Variants in SULT2B1 observed in about 807,000 individuals in gnomAD.
The protein encoded by SULT2B1 is sulfotransferase 2B1.
In SULT2B1, 16 loss-of-function variants were observed where a neutral mutation model predicts 33.2. The observed-to-expected ratio is 0.48, with a 90% CI of 0.33 to 0.73. The LOEUF (loss-of-function observed/expected upper bound fraction) is 0.73. SULT2B1 is among the 30% of genes least tolerant of loss of function. The pLI is 0.02. For missense variants in SULT2B1, 500 were observed against 506.0 expected (o/e 0.99, Z 0.11); for synonymous variants, 186 against 200.5 (o/e 0.93, Z 0.61).
At position 48,552,688 on chromosome 19, in the gene SULT2B1, G is replaced by A. The variant is rs1045219854; in HGVS notation, c.71+365G>A. Among the ~76,000 whole-genome samples, 1 of 152,166 alleles carries A rather than the reference G, an allele frequency of 6.6e-6. No individual in the cohort carries two copies. Among genetic ancestry groups the A allele is most frequent in the African/African-American group, 2.4e-5 (1 of 41,438 alleles). On this transcript the variant is annotated intron_variant, in intron 1 of 6. Transcript: ENST00000201586. This position sits in a 1 kb window ranked among gnomAD's most constrained non-coding sequence, Gnocchi z 4.8. ...AGTTGCTCAGGAAACACAACAGCCTGTAGTACCCAGGACACCCCATGCAAG... is the reference window on the plus strand; with the variant it reads ...AGTTGCTCAGGAAACACAACAGCCTATAGTACCCAGGACACCCCATGCAAG...
At chr19:48,595,530 T>C (rs1973699507) in intron 5 of SULT2B1, among the ~76,000 whole-genome samples, 1 of 151,998 alleles carries the variant, frequency 6.6e-6, no homozygotes, top group African/African-American at 2.4e-5. Flanking sequence ...GCCGTGGCAA[T>C]GGGCCCTTCT....
intron 1 of SULT2B1, among the ~76,000 whole-genome samples, chr19:48,561,311 C>T (rs1255235222): frequency 1.3e-5 from 2 of 151,774 alleles, no homozygotes; most frequent in African/African-American, 4.8e-5. Context: ...GCCTGTAATC[C>T]CAGCTACTCT....
chr19:48,577,411 G>C (rs1337305360), intron 2 of SULT2B1, among the ~76,000 whole-genome samples: 2 of 127,426 alleles, frequency 1.6e-5, no homozygotes, highest in African/African-American at 6.1e-5. Flanking sequence ...TGTTGCCCGG[G>C]CTGGAGTGCA....
intron 1 of SULT2B1, among the ~76,000 whole-genome samples, chr19:48,553,203 C>T (rs887805682): frequency 2.6e-5 from 4 of 152,194 alleles, no homozygotes; most frequent in African/African-American, 4.8e-5. Flanking sequence ...GCACTCTTGC[C>T]AAGTGAGACC....
intron 1 of SULT2B1, among the ~76,000 whole-genome samples, chr19:48,568,633 C>T (rs900847409): frequency 6.6e-6 from 1 of 152,142 alleles, no homozygotes; most frequent in African/African-American, 2.4e-5. Flanking sequence ...CAGGGCAGGG[C>T]GCCGGGACAC....
At chr19:48,578,445 G>T (rs905655903) in intron 2 of SULT2B1, among the ~76,000 whole-genome samples, 1 of 152,116 alleles carries the variant, frequency 6.6e-6, no homozygotes, top group East Asian at 1.9e-4. Context: ...AGCCAGGCAC[G>T]ATAGTGTATG....
intron 6 of SULT2B1, among the ~76,000 whole-genome samples, chr19:48,598,546 T>G (rs1051082422): frequency 6.6e-6 from 1 of 151,842 alleles, no homozygotes; most frequent in Non-Finnish European, 1.5e-5. Context: ...ATCACACCAC[T>G]GCACTCCAGC....
At chr19:48,594,180 G>A (rs1444624962) in intron 5 of SULT2B1, among the ~76,000 whole-genome samples, 1 of 152,062 alleles carries the variant, frequency 6.6e-6, no homozygotes, top group Non-Finnish European at 1.5e-5. Flanking sequence ...AGAATCGCTT[G>A]AACCTGGGAG....
chr19:48,584,134 C>T (rs1049020827), intron 2 of SULT2B1, among the ~76,000 whole-genome samples: 6 of 152,154 alleles, frequency 3.9e-5, no homozygotes, highest in African/African-American at 1.4e-4. Flanking sequence ...ACACCACACA[C>T]AGGAATAGCT....
chr19:48,576,200 A>G lies in SULT2B1; in HGVS notation c.214+117A>G, dbSNP rs1278938977. ...AGGAAAAGTGGGGCCGGGTCTGTTC[A>G]GAGCGGTGCCCCTGCCAGAAGTAGC... is the stretch of plus-strand genomic sequence containing the variant. On this transcript the variant is annotated intron_variant, in intron 2 of 6. Transcript: ENST00000201586. The G allele has an allele frequency of 1.3e-5, 12 of 931,534 alleles. No individual in the cohort carries two copies. The East Asian group carries it at 3.0e-4, about 24-fold the overall frequency. The allele number at this position is 931,534 out of a possible 1,614,324, so 57.7% of individuals were successfully genotyped here.
At chr19:48,556,775 A>AC (rs1387671048) in intron 1 of SULT2B1, among the ~76,000 whole-genome samples, 1 of 151,646 alleles carries the variant, frequency 6.6e-6, no homozygotes, top group Non-Finnish European at 1.5e-5. Context: ...ACATGGTGAC[A>AC]CCCCATCTGT....
At chr19:48,568,982 C>A (rs117204018) in intron 1 of SULT2B1, among the ~76,000 whole-genome samples, 3,285 of 152,238 alleles carry the variant, frequency 0.022, 66 homozygotes, top group Admixed American at 0.059. Context: ...CCAGAGGGGC[C>A]TCCCTGACGC....
Position 48,552,443 on chromosome 19 carries a change from C to A in SULT2B1, c.71+120C>A. The stretch of plus-strand genomic sequence containing the variant: ...CCCGCAGCCGCAGGCCTGGCCCAGA[C>A]TTAGCTGGAGGGGCTGGGCTGGGCT... On this transcript the variant is annotated intron_variant, in intron 1 of 6. Transcript: ENST00000201586. This position sits in a 1 kb window ranked among gnomAD's most constrained non-coding sequence, Gnocchi z 4.8. 2.8e-6 allele frequency: 3 copies of A among 1,089,372 alleles called. No individual in the cohort carries two copies. Among genetic ancestry groups the A allele is most frequent in the Non-Finnish European group, 4.0e-6 (3 of 750,100 alleles). The allele number at this position is 1,089,372 out of a possible 1,614,324, so 67.5% of individuals were successfully genotyped here. A position where few individuals can be genotyped will look rare whatever the true frequency, so the allele number is the denominator to read the frequency against.
intron 2 of SULT2B1, among the ~76,000 whole-genome samples, chr19:48,581,795 A>G (rs1973492343): frequency 6.6e-6 from 1 of 151,512 alleles, no homozygotes; most frequent in African/African-American, 2.4e-5. Flanking sequence ...ATCCTTGATC[A>G]GATACTTGTT....
intron 2 of SULT2B1, among the ~76,000 whole-genome samples, chr19:48,581,150 C>T (rs1407008757): frequency 2.8e-5 from 4 of 145,218 alleles, no homozygotes; most frequent in African/African-American, 1.0e-4. Flanking sequence ...GATTCTCCTG[C>T]CTCAGCCTCC....
At chr19:48,556,281 C>T (rs1973099661) in intron 1 of SULT2B1, among the ~76,000 whole-genome samples, 2 of 152,128 alleles carry the variant, frequency 1.3e-5, no homozygotes, top group African/African-American at 2.4e-5. Flanking sequence ...AAATCTGCCC[C>T]GTGGCACCAA....
chr19:48,585,235 A>C (rs967193701), intron 2 of SULT2B1, among the ~76,000 whole-genome samples: 1 of 152,088 alleles, frequency 6.6e-6, no homozygotes, highest in Non-Finnish European at 1.5e-5. Flanking sequence ...TGCAATGAAT[A>C]CTAACAGAAA....
intron 2 of SULT2B1, among the ~76,000 whole-genome samples, chr19:48,583,758 C>G (rs1292976453): frequency 1.3e-5 from 2 of 152,058 alleles, no homozygotes; most frequent in African/African-American, 4.8e-5. Context: ...GCGGAGGTTG[C>G]AGTGAGTGGA....
At chr19:48,563,252 A>G (rs1442639397) in intron 1 of SULT2B1, among the ~76,000 whole-genome samples, 1 of 152,020 alleles carries the variant, frequency 6.6e-6, no homozygotes, top group African/African-American at 2.4e-5. Context: ...TACAGCTACT[A>G]CAATGCAAAT....
Sources: gnomAD v4.1 joint callset for allele counts (sites outside exome capture counted in the v4.1 genomes callset) on GRCh38, gnomAD v4.1.1 for gene constraint, Gnocchi (gnomAD v3.1) non-coding constraint, MANE v1.5 for transcripts, NCBI Gene and HGNC (gene_info 2026-07-23, HGNC 2026-07-21) for gene names.